Variants in COMMD10 observed in about 807,000 individuals in gnomAD.
COMMD10 encodes the protein COMM domain-containing protein 10.
Under a neutral mutation model 28.9 loss-of-function variants are expected in COMMD10, and 33 were observed. That is an observed-to-expected ratio of 1.14 (90% CI 0.87 to 1.53). The LOEUF (loss-of-function observed/expected upper bound fraction) is 1.53. Ranked by LOEUF, COMMD10 falls within the 40% of genes most tolerant of loss-of-function variation. The pLI is 0.00. For missense variants in COMMD10, 310 were observed against 233.4 expected (o/e 1.33, Z -2.14); for synonymous variants, 110 against 81.7 (o/e 1.35, Z -1.87).
chr5:116,268,729 A>T (rs1750673455), intron 5 of COMMD10, among the ~76,000 whole-genome samples: 1 of 151,968 alleles, frequency 6.6e-6, no homozygotes, highest in African/African-American at 2.4e-5. Flanking sequence ...TGGATTAAGA[A>T]AATGTGACAC....
intron 4 of COMMD10, 119 bp from the exon 5 acceptor site, chr5:116,133,949 T>A: frequency 1.6e-6 from 1 of 621,146 alleles, no homozygotes; most frequent in Non-Finnish European, 2.9e-6. Context: ...GCCCTGGAAC[T>A]GACTTTCTGT....
intron 5 of COMMD10, among the ~76,000 whole-genome samples, chr5:116,193,128 C>T (rs987501674): frequency 6.6e-6 from 1 of 152,164 alleles, no homozygotes. Flanking sequence ...TTCACCATTA[C>T]CAAGCCACCA....
rs539930961 is a variant in COMMD10, at chr5:116,282,156, C to G, written c.511-9361C>G. On this transcript the variant is annotated intron_variant, in intron 5 of 6. Coordinates refer to ENST00000274458, the MANE Select transcript of COMMD10 (RefSeq NM_016144.4). ...TTTCTAATCTCACTCAGTTCCATCC[C>G]TCCAGCTTCTGCCAGAAACCTGAGA... Among the ~76,000 whole-genome samples the G allele has an allele frequency of 8.6e-5, 13 of 151,980 alleles. No homozygotes were observed. In the East Asian group the frequency reaches 1.9e-3, roughly 23 times the overall value.
At chr5:116,283,042 A>G (rs977224693) in intron 5 of COMMD10, among the ~76,000 whole-genome samples, 8 of 151,934 alleles carry the variant, frequency 5.3e-5, no homozygotes. Flanking sequence ...ATGGAAGACT[A>G]AGAAAAATGT....
At chr5:116,160,096 A>G (rs1161682912) in intron 5 of COMMD10, among the ~76,000 whole-genome samples, 1 of 152,184 alleles carries the variant, frequency 6.6e-6, no homozygotes, top group Non-Finnish European at 1.5e-5. Flanking sequence ...GCAGTGGGAT[A>G]GCAAACAAGA....
At chr5:116,118,655 G>T (rs763557259) in intron 4 of COMMD10, among the ~76,000 whole-genome samples, 11 of 151,612 alleles carry the variant, frequency 7.3e-5, no homozygotes, top group Non-Finnish European at 1.0e-4. Flanking sequence ...CTTGAATTTT[G>T]CTAGAGTACT....
chr5:116,218,130 TC>T, intron 5 of COMMD10: 1 of 1,257,066 alleles, frequency 8.0e-7, no homozygotes, highest in Non-Finnish European at 1.2e-6. Flanking sequence ...TTTCCCTTTC[TC>T]CCTTTGGGTA....
chr5:116,217,586 A>T (rs1749138467), intron 5 of COMMD10, among the ~76,000 whole-genome samples: 1 of 152,236 alleles, frequency 6.6e-6, no homozygotes, highest in South Asian at 2.1e-4. Context: ...AAAAGTCCAG[A>T]TTGCCTGACA....
chr5:116,108,040 C>CAGAT (rs1750900994), intron 4 of COMMD10, among the ~76,000 whole-genome samples: 1 of 152,244 alleles, frequency 6.6e-6, no homozygotes, highest in Admixed American at 6.5e-5. Context: ...TTGCTTCTTC[C>CAGAT]TGAAGCTTCT....
chr5:116,104,713 G>A lies in COMMD10; in HGVS notation c.399+12013G>A, dbSNP rs755180835. Among the ~76,000 whole-genome samples, 4 of 151,484 alleles carry A rather than the reference G, an allele frequency of 2.6e-5. No individual in the cohort carries two copies. The South Asian group carries it at 8.3e-4, about 31-fold the overall frequency. On this transcript the variant is annotated intron_variant, in intron 4 of 6. Coordinates refer to ENST00000274458, the MANE Select transcript of COMMD10 (RefSeq NM_016144.4). ...CGGCTCACTGTAAGCTCCTCCTCCC[G>A]AGTTCATGCCATTCTCCTGCCTCAG...
At chr5:116,165,974 C>T (rs1051612207) in intron 5 of COMMD10, among the ~76,000 whole-genome samples, 7 of 152,250 alleles carry the variant, frequency 4.6e-5, no homozygotes, top group African/African-American at 1.7e-4. Context: ...AGTCAAATCA[C>T]ATTTGGTAAC....
chr5:116,177,805 A>T (rs752508489), intron 5 of COMMD10, among the ~76,000 whole-genome samples: 1 of 152,132 alleles, frequency 6.6e-6, no homozygotes, highest in Non-Finnish European at 1.5e-5. Context: ...TTCACTTTGA[A>T]CATGCTTTCA....
intron 5 of COMMD10, among the ~76,000 whole-genome samples, chr5:116,291,149 G>C (rs548206542): frequency 6.6e-6 from 1 of 152,260 alleles, no homozygotes; most frequent in South Asian, 2.1e-4. Flanking sequence ...CCTGCCTCCA[G>C]TGTCTTTGTG....
intron 4 of COMMD10, among the ~76,000 whole-genome samples, chr5:116,123,450 G>A (rs1426585648): frequency 6.6e-6 from 1 of 152,136 alleles, no homozygotes. Flanking sequence ...ACTTTTTGAC[G>A]TGCTGCTGGA....
At chr5:116,201,814 A>G (rs1480152380) in intron 5 of COMMD10, among the ~76,000 whole-genome samples, 2 of 152,162 alleles carry the variant, frequency 1.3e-5, no homozygotes, top group Non-Finnish European at 2.9e-5. Flanking sequence ...AAAGTTACAC[A>G]CCCTGCAAGT....
intron 4 of COMMD10, among the ~76,000 whole-genome samples, chr5:116,117,646 A>C (rs567145398): frequency 1.4e-4 from 21 of 152,010 alleles, no homozygotes; most frequent in African/African-American, 4.6e-4. Context: ...TTGTATTTTT[A>C]GTAGAGGTGG....
intron 5 of COMMD10, among the ~76,000 whole-genome samples, chr5:116,171,276 A>G (rs1410406516): frequency 6.6e-6 from 1 of 152,226 alleles, no homozygotes; most frequent in African/African-American, 2.4e-5. Context: ...CATCACAATG[A>G]GATACCATCT....
intron 5 of COMMD10, among the ~76,000 whole-genome samples, chr5:116,186,127 C>G (rs1221898882): frequency 6.6e-6 from 1 of 152,082 alleles, no homozygotes; most frequent in Non-Finnish European, 1.5e-5. Context: ...TAAACATGTT[C>G]AAATAAATCC....
At chr5:116,258,556 C>G (rs762703207) in intron 5 of COMMD10, among the ~76,000 whole-genome samples, 5 of 151,546 alleles carry the variant, frequency 3.3e-5, no homozygotes, top group Non-Finnish European at 7.4e-5. Flanking sequence ...TTTATTCTCA[C>G]TTGATTGCTG....
Sources: allele counts gnomAD v4.1 joint callset (sites outside exome capture counted in the v4.1 genomes callset), GRCh38; gene constraint gnomAD v4.1.1; transcripts MANE v1.5; gene names NCBI Gene and HGNC (gene_info 2026-07-23, HGNC 2026-07-21).